Variants in GLMN observed in about 807,000 individuals in gnomAD.
GLMN encodes the protein glomulin.
A neutral mutation model predicts 87.8 loss-of-function variants in GLMN; 75 were observed. The observed-to-expected ratio is 0.85, with a 90% CI of 0.71 to 1.04. GLMN has a LOEUF of 1.04. Among genes scored for constraint, GLMN ranks in the 50% least tolerant of loss-of-function variants. The pLI is 0.00. For synonymous variants in GLMN, 206 were observed against 221.6 expected (o/e 0.93, Z 0.63); for missense variants, 588 against 658.8 (o/e 0.89, Z 1.18).
chr1:92,281,355 A>G (rs1178858944), intron 7 of GLMN, among the ~76,000 whole-genome samples: 1 of 152,248 alleles, frequency 6.6e-6, no homozygotes, highest in Non-Finnish European at 1.5e-5. Context: ...AGAATTTCAT[A>G]TCCAGCCAAA....
At chr1:92,304,026 C>T in the GLMN span, 3 of 1,613,058 alleles carry the variant, frequency 1.9e-6, no homozygotes, top group Non-Finnish European at 2.5e-6. Flanking sequence ...GATGAACGTT[C>T]TATTGTCAAA....
chr1:92,369,228 G>A, the GLMN span, among the ~76,000 whole-genome samples: 1 of 152,106 alleles, frequency 6.6e-6, no homozygotes. Context: ...ATAAATTACT[G>A]TTTTTTATTT....
intron 16 of GLMN, among the ~76,000 whole-genome samples, chr1:92,251,378 C>CAAAT (rs1425062934): frequency 6.6e-6 from 1 of 151,536 alleles, no homozygotes; most frequent in Non-Finnish European, 1.5e-5. Flanking sequence ...ACCTTTTCTA[C>CAAAT]AAATAGTGTT....
At chr1:92,323,680 C>T in the GLMN span, 1 of 1,613,596 alleles carries the variant, frequency 6.2e-7, no homozygotes, top group Non-Finnish European at 8.5e-7. Flanking sequence ...GAAAGCTGGT[C>T]ACAAAGCTAA....
rs371293175 is a variant in GLMN, at chr1:92,251,408, A to G, written c.1474-3419T>C. On this transcript the variant is annotated intron_variant, in intron 16 of 18. Transcript: ENST00000370360. Reference sequence around the variant, plus strand: ...AGTGTTGAGGTCAAAATAAAAGAAAAAAAAATCTCTCAACCCATATCTCAT... The same window carrying G: ...AGTGTTGAGGTCAAAATAAAAGAAAGAAAAATCTCTCAACCCATATCTCAT... Among the ~76,000 whole-genome samples the G allele has an allele frequency of 2.6e-5, 4 of 152,220 alleles. No individual in the cohort carries two copies. In the South Asian group the frequency reaches 6.2e-4, roughly 24 times the overall value.
At chr1:92,314,063 C>G in the GLMN span, among the ~76,000 whole-genome samples, 1 of 152,230 alleles carries the variant, frequency 6.6e-6, no homozygotes, top group East Asian at 1.9e-4. Context: ...CTAAAACTTT[C>G]TCTATACCAG....
the GLMN span, among the ~76,000 whole-genome samples, chr1:92,344,369 C>T: frequency 6.6e-6 from 1 of 152,128 alleles, no homozygotes; most frequent in Non-Finnish European, 1.5e-5. Flanking sequence ...CATGCCACTG[C>T]ACTCCAGCCT....
chr1:92,367,559 T>C, the GLMN span, among the ~76,000 whole-genome samples: 1 of 152,310 alleles, frequency 6.6e-6, no homozygotes, highest in African/African-American at 2.4e-5. Context: ...TTCAGCCCAA[T>C]GTTATCTTTT....
At chr1:92,319,125 T>A in the GLMN span, among the ~76,000 whole-genome samples, 1 of 152,234 alleles carries the variant, frequency 6.6e-6, no homozygotes, top group African/African-American at 2.4e-5. Flanking sequence ...TGCCTTTATA[T>A]ACAGACTGTA....
intron 7 of GLMN, among the ~76,000 whole-genome samples, chr1:92,279,780 C>T (rs964126558): frequency 6.6e-6 from 1 of 152,254 alleles, no homozygotes; most frequent in Non-Finnish European, 1.5e-5. Context: ...ATAGTCTTAG[C>T]AACCGGCAGA....
the GLMN span, among the ~76,000 whole-genome samples, chr1:92,353,637 C>A: frequency 1.3e-5 from 2 of 152,036 alleles, no homozygotes; most frequent in Non-Finnish European, 2.9e-5. Context: ...TTGTTTCTTG[C>A]TTATATACAT....
At chr1:92,330,042 C>T in the GLMN span, among the ~76,000 whole-genome samples, 1 of 152,182 alleles carries the variant, frequency 6.6e-6, no homozygotes, top group Non-Finnish European at 1.5e-5. Flanking sequence ...GAGTGGACCA[C>T]AAGGTCTTGT....
chr1:92,351,456 A>T, the GLMN span, among the ~76,000 whole-genome samples: 1 of 152,118 alleles, frequency 6.6e-6, no homozygotes, highest in Non-Finnish European at 1.5e-5. Context: ...GTAAAGAATC[A>T]CTTTTAATCA....
At chr1:92,320,914 A>G in the GLMN span, among the ~76,000 whole-genome samples, 6 of 152,258 alleles carry the variant, frequency 3.9e-5, no homozygotes, top group Admixed American at 2.6e-4. Context: ...CATCTCAGAT[A>G]CCATGCTTCT....
chr1:92,286,497 T>TA lies in GLMN; in HGVS notation c.727_728insT (p.Glu243ValfsTer19), dbSNP rs1648766876. On this transcript the variant is annotated frameshift_variant, in exon 7 of 19. Transcript: ENST00000370360. LOFTEE classifies it high-confidence loss of function. ...TAAATTAGCTGTACTTACTATTATT[T>TA]CTGATGCAAAATACCTGAAAGGATC... 2 of 1,504,230 alleles carry TA rather than the reference T, an allele frequency of 1.3e-6. No homozygotes were observed. Among genetic ancestry groups the TA allele is most frequent in the Non-Finnish European group, 1.9e-6 (2 of 1,080,124 alleles). The allele number at this position is 1,504,230 out of a possible 1,614,324, so 93.2% of individuals were successfully genotyped here.
chr1:92,320,689 T>G, the GLMN span: 3 of 1,434,624 alleles, frequency 2.1e-6, no homozygotes, highest in South Asian at 2.4e-5. Flanking sequence ...ATAGAAACAT[T>G]AGGAGTGAAC....
At chr1:92,252,342 C>T (rs1279409642) in intron 16 of GLMN, among the ~76,000 whole-genome samples, 4 of 151,978 alleles carry the variant, frequency 2.6e-5, no homozygotes, top group South Asian at 2.1e-4. Context: ...TGCAATGTGC[C>T]GTGATTGCGC....
At position 92,264,500 on chromosome 1, in the gene GLMN, A is replaced by G. The variant is rs566076177; in HGVS notation, c.1299+54T>C. The G allele has an allele frequency of 7.2e-5, 60 of 837,278 alleles. No homozygotes were observed. The African/African-American group carries it at 8.5e-4, about 12-fold the overall frequency. The allele number at this position is 837,278 out of a possible 1,614,324, so 51.9% of individuals were successfully genotyped here. A position where few individuals can be genotyped will look rare whatever the true frequency, so the allele number is the denominator to read the frequency against. On this transcript the variant is annotated intron_variant, in intron 14 of 18. Transcript: ENST00000370360. The stretch of plus-strand genomic sequence containing the variant: ...TCACATTAATGTATTCTACATATGA[A>G]TAAATATACCCTACGAAATAAATTG...
In GLMN at chr1:92,264,584, A is replaced by G; in HGVS notation, c.1269T>C (p.Asn423=). The change falls in exon 14 of 19, where the codon AAT becomes AAC. Residue 423 remains asparagine, a synonymous_variant. Transcript: ENST00000370360. ...ATGACATGTCAATTTGATTTTTGAT[A>G]TTTTGAATAATAAAAGCCTCCACAC... ...HSGVEAFIIQ[N]IKNQIDMSLK... The G allele has an allele frequency of 6.3e-7, 1 of 1,588,484 alleles. No individual in the cohort carries two copies.
Sources: gnomAD v4.1 joint callset for allele counts (sites outside exome capture counted in the v4.1 genomes callset) on GRCh38, gnomAD v4.1.1 for gene constraint, MANE v1.5 for transcripts, NCBI Gene and HGNC (gene_info 2026-07-23, HGNC 2026-07-21) for gene names.